The following KIAA0513 variants were observed in gnomAD, a reference collection of about 807,000 sequenced individuals.
The protein encoded by KIAA0513 is uncharacterized protein KIAA0513.
A neutral mutation model predicts 56.5 loss-of-function variants in KIAA0513; 39 were observed. The observed-to-expected ratio is 0.69, with a 90% CI of 0.53 to 0.90. The LOEUF is 0.90. KIAA0513 is among the 40% of genes least tolerant of loss of function. The pLI, the probability that KIAA0513 is intolerant of heterozygous loss-of-function variation, is 0.00. For synonymous variants in KIAA0513, 268 were observed against 215.6 expected, an observed-to-expected ratio of 1.24 and a Z score of -2.13; for missense variants, 591 against 535.2, an observed-to-expected ratio of 1.10 and a Z score of -1.03.
chr16:85,076,016 G>A lies in KIAA0513; in HGVS notation c.574+102G>A. 1.2e-6 allele frequency: 1 copy of A among 846,278 alleles called. No individual in the cohort carries two copies. 52.4% of individuals were successfully genotyped at this position (846,278 alleles called of 1,614,324 possible). On this transcript the variant is annotated intron_variant, in intron 5 of 12. Coordinates refer to ENST00000683363, the MANE Select transcript of KIAA0513 (RefSeq NM_001388359.1). This position sits in a 1 kb window ranked among gnomAD's most constrained non-coding sequence, Gnocchi z 4.7. ...TCATGATAAAAAGCAAAAGCTATGG[G>A]GCCTCCAGAGAACAGAGGAAGCTGA...
At position 85,076,958 on chromosome 16, in the gene KIAA0513, G is replaced by A. The variant is rs1339690335; in HGVS notation, c.575-467G>A. On this transcript the variant is annotated intron_variant, in intron 5 of 12. Transcript: ENST00000683363. This position sits in a 1 kb window ranked among gnomAD's most constrained non-coding sequence, Gnocchi z 4.7. The stretch of plus-strand genomic sequence containing the variant: ...CGTGGGGGTGCCTCATCCTGTGGGG[G>A]TGCCAGGGCCTCATGTCCATCCACT... Among the ~76,000 whole-genome samples, 2 of 152,152 alleles carry A rather than the reference G, an allele frequency of 1.3e-5. No individual in the cohort carries two copies. The highest frequency in any genetic ancestry group is 2.9e-5 in the Non-Finnish European group (2 of 68,026).
Position 85,050,343 on chromosome 16 carries a change from A to T in KIAA0513, c.-172-16557A>T, listed in dbSNP as rs1347380682. ...TTGATTGATATTTATTTATTTATTT[A>T]TTTATTTATTTATTTATTTTTTTTG... is the stretch of plus-strand genomic sequence containing the variant. On this transcript the variant is annotated intron_variant, in intron 1 of 12. Coordinates refer to ENST00000683363, the MANE Select transcript of KIAA0513 (RefSeq NM_001388359.1). Among the ~76,000 whole-genome samples, 361 of 106,054 alleles carry T rather than the reference A, an allele frequency of 3.4e-3. 2 individuals carry two copies. Among genetic ancestry groups the T allele is most frequent in the African/African-American group, 0.015 (326 of 21,174 alleles). The allele number at this position is 106,054 out of a possible 152,430, so 69.6% of individuals were successfully genotyped here. A position where few individuals can be genotyped will look rare whatever the true frequency, so the allele number is the denominator to read the frequency against.
chr16:85,031,299 G>A (rs932689806), intron 1 of KIAA0513, among the ~76,000 whole-genome samples: 2 of 152,096 alleles, frequency 1.3e-5, no homozygotes, highest in Non-Finnish European at 2.9e-5. Context: ...TGGGCAACAT[G>A]GCAAAACCCC....
Position 85,094,079 on chromosome 16 carries a change from ACT to A in KIAA0513, c.*5757_*5758del, listed in dbSNP as rs1283872235. ...TGTCCCGCTCGGTGATGTTCTACAAACTCTGTTTTAAGGTTGAGAAAGTTTCA... is the reference window on the plus strand; with the variant it reads ...TGTCCCGCTCGGTGATGTTCTACAAACTGTTTTAAGGTTGAGAAAGTTTCA... On this transcript the variant is annotated 3_prime_UTR_variant, in exon 13 of 13. Coordinates refer to ENST00000683363, the MANE Select transcript of KIAA0513 (RefSeq NM_001388359.1). 4 of 152,146 alleles carry A rather than the reference ACT, an allele frequency of 2.6e-5. No individual in the cohort carries two copies. The highest frequency in any genetic ancestry group is 6.5e-5 in the Admixed American group (1 of 15,276). 9.4% of individuals were successfully genotyped at this position (152,146 alleles called of 1,614,324 possible). A position where few individuals can be genotyped will look rare whatever the true frequency, so the allele number is the denominator to read the frequency against.
At chr16:85,032,169 T>C (rs1054799592) in intron 1 of KIAA0513, among the ~76,000 whole-genome samples, 3 of 152,202 alleles carry the variant, frequency 2.0e-5, no homozygotes, top group Non-Finnish European at 2.9e-5. Flanking sequence ...TGATCCGTGT[T>C]GTCCCCTCAC....
chr16:85,071,848 G>T lies in KIAA0513; in HGVS notation c.395G>T (p.Gly132Val). Residue 132 changes from glycine to valine, a missense_variant, in exon 3 of 13, where the codon GGC (glycine) becomes GTC (valine). Gly to Val is a moderately radical substitution (Grantham distance 109, BLOSUM62 -3). Transcript: ENST00000683363. ...TACTGCAGCAGTGAAAATGGAAAAG[G>T]CCGGGAGTGGTTTGCTCGATACGTG... ...GEYCSSENGKGREWFARYVSA... is the reference protein window; with the variant it reads ...GEYCSSENGKVREWFARYVSA... The T allele has an allele frequency of 6.2e-7, 1 of 1,612,792 alleles. No individual in the cohort carries two copies. The highest frequency in any genetic ancestry group is 8.5e-7 in the Non-Finnish European group (1 of 1,179,676).
intron 12 of KIAA0513, 109 bp downstream of exon 12, chr16:85,087,275 C>A (rs1036689909): frequency 2.3e-6 from 2 of 873,952 alleles, no homozygotes; most frequent in South Asian, 1.4e-5. Context: ...GTGTTGCAGT[C>A]GGAAACGTGG....
chr16:85,072,775 G>A (rs575603445), intron 3 of KIAA0513, 150 bp from the exon 4 acceptor site: 1 of 711,130 alleles, frequency 1.4e-6, no homozygotes, highest in East Asian at 2.7e-5. Context: ...CTGGCAGAAG[G>A]GGTGGGTTCT....
intron 1 of KIAA0513, among the ~76,000 whole-genome samples, chr16:85,045,555 T>C (rs2073159819): frequency 6.6e-6 from 1 of 152,128 alleles, no homozygotes; most frequent in African/African-American, 2.4e-5. Flanking sequence ...GGGGTTTCAC[T>C]ATGTTGGCCA....
chr16:85,062,867 G>A (rs1316505675), intron 1 of KIAA0513, among the ~76,000 whole-genome samples: 3 of 152,140 alleles, frequency 2.0e-5, no homozygotes, highest in Non-Finnish European at 4.4e-5. Flanking sequence ...TGTGAGAGTG[G>A]CCATGACCTT....
At chr16:85,042,379 G>GATTAA (rs1410251362) in intron 1 of KIAA0513, among the ~76,000 whole-genome samples, 2 of 151,868 alleles carry the variant, frequency 1.3e-5, no homozygotes, top group African/African-American at 4.8e-5. Context: ...ATCCACCCCG[G>GATTAA]TGTACTGCAG....
At chr16:85,067,515 T>C in intron 2 of KIAA0513, 115 bp downstream of exon 2, 1 of 817,554 alleles carries the variant, frequency 1.2e-6, no homozygotes, top group Non-Finnish European at 1.9e-6. Flanking sequence ...AGAGCTTCCA[T>C]TTCCCCATCA....
chr16:85,048,079 G>T (rs1436517665), intron 1 of KIAA0513, among the ~76,000 whole-genome samples: 1 of 152,140 alleles, frequency 6.6e-6, no homozygotes, highest in Non-Finnish European at 1.5e-5. Flanking sequence ...AAACGTCTGG[G>T]ATTACAAACA....
chr16:85,081,236 T>G lies in KIAA0513; in HGVS notation c.903-79T>G. The G allele has an allele frequency of 7.8e-7, 1 of 1,285,122 alleles. No individual in the cohort carries two copies. Among genetic ancestry groups the G allele is most frequent in the Admixed American group, 1.7e-5 (1 of 59,388 alleles). The allele number at this position is 1,285,122 out of a possible 1,614,324, so 79.6% of individuals were successfully genotyped here. A position where few individuals can be genotyped will look rare whatever the true frequency, so the allele number is the denominator to read the frequency against. ...AGACAGATGTGAGACACTGCCCTTG[T>G]TTATCCCTCAAGGGGCCCACAACCC... On this transcript the variant is annotated intron_variant, in intron 8 of 12. Coordinates refer to ENST00000683363, the MANE Select transcript of KIAA0513 (RefSeq NM_001388359.1). The surrounding 1 kb of genome is among the most constrained non-coding windows in gnomAD (Gnocchi z 4.4).
At chr16:85,072,656 G>A (rs2073594777) in intron 3 of KIAA0513, among the ~76,000 whole-genome samples, 5 of 152,196 alleles carry the variant, frequency 3.3e-5, no homozygotes, top group Admixed American at 3.3e-4. Flanking sequence ...GTGTGTGGGT[G>A]TGTATGAAGT....
At chr16:85,047,226 C>T (rs575752290) in intron 1 of KIAA0513, among the ~76,000 whole-genome samples, 83 of 152,342 alleles carry the variant, frequency 5.4e-4, no homozygotes, top group African/African-American at 2.0e-3. Flanking sequence ...GGGCCCCGGG[C>T]ATGCTCCGTC....
At chr16:85,057,544 C>G (rs968413627) in intron 1 of KIAA0513, among the ~76,000 whole-genome samples, 2 of 152,184 alleles carry the variant, frequency 1.3e-5, no homozygotes, top group East Asian at 3.9e-4. Flanking sequence ...AACCAAAACA[C>G]ATTGACAACA....
intron 1 of KIAA0513, among the ~76,000 whole-genome samples, chr16:85,029,572 A>T (rs906394931): frequency 2.0e-5 from 3 of 152,348 alleles, no homozygotes; most frequent in Admixed American, 1.3e-4. Flanking sequence ...TCTGAGGAGC[A>T]TCTTTTAGGA....
intron 1 of KIAA0513, among the ~76,000 whole-genome samples, chr16:85,054,856 G>A (rs946852552): frequency 5.9e-5 from 9 of 152,148 alleles, no homozygotes; most frequent in Admixed American, 1.3e-4. Flanking sequence ...CGCGGGTGGT[G>A]GCTGCATGGA....
Sources: gnomAD v4.1 joint callset for allele counts (sites outside exome capture counted in the v4.1 genomes callset) on GRCh38, gnomAD v4.1.1 for gene constraint, Gnocchi (gnomAD v3.1) non-coding constraint, MANE v1.5 for transcripts, NCBI Gene and HGNC (gene_info 2026-07-23, HGNC 2026-07-21) for gene names.